MARVELD2: variants seen among roughly 807,000 people sequenced by gnomAD.
MARVELD2 encodes the protein MARVEL domain containing 2.
A neutral mutation model predicts 57.6 loss-of-function variants in MARVELD2; 49 were observed. The observed-to-expected ratio is 0.85, with a 90% CI of 0.68 to 1.08. The LOEUF (loss-of-function observed/expected upper bound fraction) is 1.08, where lower values mean the gene tolerates loss of function less well. Ranked by LOEUF, MARVELD2 falls within the 50% of genes least tolerant of loss-of-function variation. MARVELD2 has a pLI of 0.00. For synonymous variants in MARVELD2, 238 were observed against 258.8 expected (o/e 0.92, Z 0.77); for missense variants, 606 against 701.1 (o/e 0.86, Z 1.53).
At chr5:69,417,342 G>A (rs1161617680) in intron 1 of MARVELD2, among the ~76,000 whole-genome samples, 7 of 152,084 alleles carry the variant, frequency 4.6e-5, no homozygotes, top group African/African-American at 7.2e-5. Flanking sequence ...CAATCTGCCC[G>A]GCACTCCCCC....
chr5:69,425,192 A>G (rs998482100), intron 3 of MARVELD2, among the ~76,000 whole-genome samples: 1 of 144,778 alleles, frequency 6.9e-6, no homozygotes, highest in African/African-American at 2.5e-5. Context: ...GGAATTGAAC[A>G]ATGAGATCAC....
intron 1 of MARVELD2, among the ~76,000 whole-genome samples, chr5:69,417,192 A>G (rs1766457021): frequency 6.6e-6 from 1 of 151,968 alleles, no homozygotes; most frequent in South Asian, 2.1e-4. Context: ...TCAGTTCTAT[A>G]CTCAGATATC....
intron 5 of MARVELD2, among the ~76,000 whole-genome samples, chr5:69,435,554 G>C (rs1767106599): frequency 6.6e-6 from 1 of 151,102 alleles, no homozygotes; most frequent in Non-Finnish European, 1.5e-5. Context: ...AGGAATTCGA[G>C]ACCAGCCTGG....
In MARVELD2 at chr5:69,432,998, A is replaced by C. The variant is rs762672605; in HGVS notation, c.1408A>C (p.Lys470Gln). The C allele has an allele frequency of 1.2e-6, 2 of 1,614,220 alleles. No individual in the cohort carries two copies. The highest frequency in any genetic ancestry group is 1.7e-6 in the Non-Finnish European group (2 of 1,180,038). Residue 470 changes from lysine (K) to glutamine (Q), a missense_variant, in exon 5 of 7, where the codon AAA (lysine) becomes CAA (glutamine). Coordinates refer to ENST00000325631, the MANE Select transcript of MARVELD2 (RefSeq NM_001038603.3). ...GTTCCAAGACCAGTTTTCAGAGTAC[A>C]AAGAGCTGTCTGCAGAAGTTCAGGC... ...AVFQDQFSEY[K>Q]ELSAEVQAVL...
intron 5 of MARVELD2, among the ~76,000 whole-genome samples, chr5:69,437,303 C>T (rs1420137407): frequency 6.7e-6 from 1 of 149,620 alleles, no homozygotes; most frequent in Non-Finnish European, 1.5e-5. Context: ...AATCGCTTGA[C>T]CCAGGAGGCG....
chr5:69,418,476 A>T (rs1352921793), intron 1 of MARVELD2, among the ~76,000 whole-genome samples: 2 of 152,174 alleles, frequency 1.3e-5, no homozygotes, highest in African/African-American at 4.8e-5. Context: ...GGGAACAGTA[A>T]ATCACCTGAA....
intron 3 of MARVELD2, among the ~76,000 whole-genome samples, chr5:69,431,335 G>A (rs1357919839): frequency 4.6e-5 from 7 of 151,546 alleles, no homozygotes; most frequent in Non-Finnish European, 1.0e-4. Flanking sequence ...GGCTGGTCTC[G>A]AACACCTGAC....
At chr5:69,436,606 T>C (rs138819123) in intron 5 of MARVELD2, among the ~76,000 whole-genome samples, 168 of 152,206 alleles carry the variant, frequency 1.1e-3, no homozygotes, top group African/African-American at 3.9e-3. Flanking sequence ...AATGGAATGG[T>C]GTTGGCTAAG....
chr5:69,426,323 T>C (rs1199269299), intron 3 of MARVELD2, among the ~76,000 whole-genome samples: 4 of 143,368 alleles, frequency 2.8e-5, no homozygotes, highest in African/African-American at 1.1e-4. Context: ...TACTGGACAT[T>C]ATTATTATTA....
In MARVELD2 at chr5:69,443,497, C is replaced by A. The variant is rs1170745888; in HGVS notation, c.*1843C>A. 6.6e-6 allele frequency: 1 copy of A among 152,170 alleles called. No individual in the cohort carries two copies. Among genetic ancestry groups the A allele is most frequent in the Non-Finnish European group, 1.5e-5 (1 of 68,044 alleles). 9.4% of individuals were successfully genotyped at this position (152,170 alleles called of 1,614,324 possible). On this transcript the variant is annotated 3_prime_UTR_variant, in exon 7 of 7. Coordinates refer to ENST00000325631, the MANE Select transcript of MARVELD2 (RefSeq NM_001038603.3). ...TTCAGGTGTGAGCCACTGTGCCCAG[C>A]AGGGATGCTTCATCTTTCTAAGAAT...
chr5:69,437,512 G>A (rs575187656), intron 5 of MARVELD2, among the ~76,000 whole-genome samples: 27 of 150,960 alleles, frequency 1.8e-4, no homozygotes, highest in Admixed American at 4.0e-4. Flanking sequence ...GTGAAACCCC[G>A]TCCCTACTAA....
intron 3 of MARVELD2, among the ~76,000 whole-genome samples, 182 bp from the exon 4 acceptor site, chr5:69,432,345 T>G (rs574706530): frequency 6.6e-6 from 1 of 152,298 alleles, no homozygotes; most frequent in African/African-American, 2.4e-5. Flanking sequence ...CTTGCCATGT[T>G]GGCCAGGCTG....
chr5:69,416,167 T>C (rs1445683203), intron 1 of MARVELD2, among the ~76,000 whole-genome samples: 3 of 152,262 alleles, frequency 2.0e-5, no homozygotes, highest in Non-Finnish European at 2.9e-5. Context: ...GTAAATGCTG[T>C]GTAAAACTTG....
chr5:69,435,613 G>C (rs1206134191), intron 5 of MARVELD2, among the ~76,000 whole-genome samples: 2 of 151,590 alleles, frequency 1.3e-5, no homozygotes, highest in Admixed American at 6.6e-5. Flanking sequence ...AATTAGTTGG[G>C]CATGTTGGCA....
chr5:69,419,703 C>G lies in MARVELD2; in HGVS notation c.318C>G (p.Ile106Met). ...AATGGGATAAGCCGGTGTCTGATAT[C>G]AGGTACATCTCCGATGGAGTGGAGT... Reference protein sequence around the residue: ...DPEWDKPVSDIRYISDGVECS... With the variant: ...DPEWDKPVSDMRYISDGVECS... Residue 106 changes from isoleucine (I) to methionine (M), a missense_variant, in exon 2 of 7, where the codon ATC (isoleucine) becomes ATG (methionine). Physicochemically the swap from Ile to Met is conservative, Grantham distance 10 (BLOSUM62 1). Transcript: ENST00000325631. 1.2e-6 allele frequency: 2 copies of G among 1,614,158 alleles called. No individual in the cohort carries two copies. Among genetic ancestry groups the G allele is most frequent in the Non-Finnish European group, 1.7e-6 (2 of 1,180,050 alleles).
intron 2 of MARVELD2, 121 bp from the exon 3 acceptor site, chr5:69,424,480 C>G: frequency 1.3e-6 from 1 of 789,978 alleles, no homozygotes; most frequent in Non-Finnish European, 2.2e-6. Context: ...TGAGAAACAC[C>G]CGTCAAGTAG....
Position 69,442,483 on chromosome 5 carries a change from T to C in MARVELD2, c.*829T>C, listed in dbSNP as rs1241569944. ...AATGGGGCTAATAATAGTTCCTTCCTCATAGAGTTGTTAGGATTAAAGGAG... is the reference window on the plus strand; with the variant it reads ...AATGGGGCTAATAATAGTTCCTTCCCCATAGAGTTGTTAGGATTAAAGGAG... On this transcript the variant is annotated 3_prime_UTR_variant, in exon 7 of 7. Transcript: ENST00000325631. 2 of 152,210 alleles carry C rather than the reference T, an allele frequency of 1.3e-5. No homozygotes were observed. Among genetic ancestry groups the C allele is most frequent in the Non-Finnish European group, 2.9e-5 (2 of 68,048 alleles). 9.4% of individuals were successfully genotyped at this position (152,210 alleles called of 1,614,324 possible).
At position 69,432,139 on chromosome 5, in the gene MARVELD2, G is replaced by T. The variant is rs1422663207; in HGVS notation, c.1183-388G>T. ...GATTCTCCTGCCTCAGCCTCCCGAG[G>T]AGCTGGGATTATAGGCACCCGCCAC... On this transcript the variant is annotated intron_variant, in intron 3 of 6. Coordinates refer to ENST00000325631, the MANE Select transcript of MARVELD2 (RefSeq NM_001038603.3). Among the ~76,000 whole-genome samples the T allele has an allele frequency of 3.9e-5, 6 of 151,912 alleles. No individual in the cohort carries two copies. The South Asian group carries it at 1.2e-3, about 32-fold the overall frequency.
At chr5:69,416,274 G>T (rs1766416009) in intron 1 of MARVELD2, among the ~76,000 whole-genome samples, 1 of 152,086 alleles carries the variant, frequency 6.6e-6, no homozygotes, top group Admixed American at 6.5e-5. Flanking sequence ...CACTTTTTTA[G>T]AGAAAGAAAG....
Sources: allele counts gnomAD v4.1 joint callset (sites outside exome capture counted in the v4.1 genomes callset), GRCh38; gene constraint gnomAD v4.1.1; transcripts MANE v1.5; gene names NCBI Gene and HGNC (gene_info 2026-07-23, HGNC 2026-07-21).